Variants in BCL7A observed in about 807,000 individuals in gnomAD.
BCL7A encodes the protein B-cell CLL/lymphoma 7 protein family member A.
A neutral mutation model predicts 28.4 loss-of-function variants in BCL7A; 11 were observed. The ratio of observed to expected loss-of-function variants is 0.39; its 90% CI spans 0.24 to 0.64. The LOEUF (loss-of-function observed/expected upper bound fraction) is 0.64. BCL7A is among the 30% of genes least tolerant of loss of function. BCL7A has a pLI of 0.50. For synonymous variants in BCL7A, 123 were observed against 103.3 expected (o/e 1.19, Z -1.15); for missense variants, 222 against 274.8 (o/e 0.81, Z 1.36).
intron 5 of BCL7A, among the ~76,000 whole-genome samples, chr12:122,058,269 G>A (rs928993307): frequency 1.3e-5 from 2 of 152,098 alleles, no homozygotes; most frequent in African/African-American, 4.8e-5. Context: ...CTCTGGGAAG[G>A]TGAGGCGGGC....
chr12:122,054,505 C>G (rs1405767919), intron 4 of BCL7A, among the ~76,000 whole-genome samples: 2 of 152,208 alleles, frequency 1.3e-5, no homozygotes, highest in African/African-American at 4.8e-5. Flanking sequence ...CCAGGGGGTG[C>G]TGGGTGCACG....
intron 5 of BCL7A, 126 bp downstream of exon 5, chr12:122,055,052 C>T: frequency 5.8e-6 from 9 of 1,563,560 alleles, no homozygotes; most frequent in African/African-American, 2.7e-5. Flanking sequence ...TTGGAACTGT[C>T]ATTTGTCCAT....
chr12:122,026,287 A>G (rs1279091971), intron 1 of BCL7A, among the ~76,000 whole-genome samples: 1 of 150,634 alleles, frequency 6.6e-6, no homozygotes, highest in Non-Finnish European at 1.5e-5. Context: ...AAAAAAAAAG[A>G]AAAAAATTAG....
intron 2 of BCL7A, among the ~76,000 whole-genome samples, chr12:122,032,185 G>A (rs1181566924): frequency 1.3e-5 from 2 of 152,214 alleles, no homozygotes; most frequent in Admixed American, 6.5e-5. Flanking sequence ...TCTGGGCAGG[G>A]CTGTGGCTCC....
At chr12:122,031,949 C>A (rs936076792) in intron 2 of BCL7A, among the ~76,000 whole-genome samples, 1 of 152,158 alleles carries the variant, frequency 6.6e-6, no homozygotes, top group Non-Finnish European at 1.5e-5. Flanking sequence ...CTGGGCCATT[C>A]CCCCCTGCCT....
chr12:122,022,032 G>A lies in BCL7A; in HGVS notation c.-60G>A. 1.4e-6 allele frequency: 2 copies of A among 1,458,372 alleles called. No homozygotes were observed. The highest frequency in any genetic ancestry group is 1.8e-6 in the Non-Finnish European group (2 of 1,085,772). 90.3% of individuals were successfully genotyped at this position (1,458,372 alleles called of 1,614,324 possible). Reference sequence around the variant, plus strand: ...GCGGGCGGGCGCGAGTGTGGCCGCCGCGGAGCGCGAGCAGGACCCGGCGGG... The same window carrying A: ...GCGGGCGGGCGCGAGTGTGGCCGCCACGGAGCGCGAGCAGGACCCGGCGGG... On this transcript the variant is annotated 5_prime_UTR_variant, in exon 1 of 6. Transcript: ENST00000261822.
At chr12:122,032,948 G>T (rs1420664913) in intron 2 of BCL7A, among the ~76,000 whole-genome samples, 2 of 152,178 alleles carry the variant, frequency 1.3e-5, no homozygotes, top group Non-Finnish European at 2.9e-5. Flanking sequence ...GTCTCTGCAG[G>T]TTGAGGCTGG....
At position 122,061,110 on chromosome 12, in the gene BCL7A, TAG is replaced by T; in HGVS notation, c.*1950_*1951del. On this transcript the variant is annotated 3_prime_UTR_variant, in exon 6 of 6. Coordinates refer to ENST00000261822, the MANE Select transcript of BCL7A (RefSeq NM_001024808.3). ...GCGTTACCTCCAGATTCCGTAGAGTTAGAGTCACATTTTTCTTTGCAGCGAAA... is the reference window on the plus strand; with the variant it reads ...GCGTTACCTCCAGATTCCGTAGAGTTAGTCACATTTTTCTTTGCAGCGAAA... 4.4e-6 allele frequency: 1 copy of T among 226,128 alleles called. No individual in the cohort carries two copies. The highest frequency in any genetic ancestry group is 8.8e-6 in the Non-Finnish European group (1 of 113,406). 14.0% of individuals were successfully genotyped at this position (226,128 alleles called of 1,614,324 possible). A position where few individuals can be genotyped will look rare whatever the true frequency, so the allele number is the denominator to read the frequency against.
chr12:122,059,109 A>G lies in BCL7A; in HGVS notation c.579A>G (p.Pro193=). ...TCCCCAAGGATTTGGAAGGAGTGCC[A>G]CCCTCTAAAAAGATGAAACTGGAGG... ...SAISQDLEGV[P]PSKKMKLEAS... Residue 193 remains proline (P), a synonymous_variant, in exon 6 of 6, where the codon CCA becomes CCG. Transcript: ENST00000261822. The surrounding 1 kb of genome is among the most constrained non-coding windows in gnomAD (Gnocchi z 4.0). The G allele has an allele frequency of 6.2e-7, 1 of 1,611,400 alleles. No individual in the cohort carries two copies. The highest frequency in any genetic ancestry group is 8.5e-7 in the Non-Finnish European group (1 of 1,177,554).
chr12:122,038,431 CAAAAAAAAAAA>C (rs56376395), intron 3 of BCL7A, among the ~76,000 whole-genome samples: 39 of 33,556 alleles, frequency 1.2e-3, no homozygotes, highest in Middle Eastern at 0.029. Context: ...GACTCTGCCT[CAAAAAAAAAAA>C]AAAAAAAAAA....
chr12:122,057,223 G>C (rs1951884924), intron 5 of BCL7A, among the ~76,000 whole-genome samples: 1 of 152,314 alleles, frequency 6.6e-6, no homozygotes, highest in South Asian at 2.1e-4. Context: ...TCCAGGCAGG[G>C]GCAGACCAAG....
intron 1 of BCL7A, among the ~76,000 whole-genome samples, chr12:122,027,156 A>C (rs2135839375): frequency 6.6e-6 from 1 of 152,306 alleles, no homozygotes; most frequent in South Asian, 2.1e-4. Flanking sequence ...GAGTGAGGGC[A>C]TCTGAGGGGG....
intron 4 of BCL7A, among the ~76,000 whole-genome samples, chr12:122,050,574 G>T (rs1229379033): frequency 6.6e-6 from 1 of 152,198 alleles, no homozygotes; most frequent in South Asian, 2.1e-4. Context: ...GGGGTGAGAC[G>T]GGGGCTGTGG....
chr12:122,043,543 CAGG>C (rs1884003521), intron 3 of BCL7A, among the ~76,000 whole-genome samples: 1 of 151,958 alleles, frequency 6.6e-6, no homozygotes, highest in Admixed American at 6.6e-5. Context: ...GAGGCCGAGG[CAGG>C]AGGATTACCT....
At chr12:122,027,120 C>T (rs1883646576) in intron 1 of BCL7A, among the ~76,000 whole-genome samples, 1 of 152,176 alleles carries the variant, frequency 6.6e-6, no homozygotes, top group Non-Finnish European at 1.5e-5. Context: ...GTGGGGATTT[C>T]TGCACCTGGT....
At chr12:122,052,945 C>T (rs561354736) in intron 4 of BCL7A, among the ~76,000 whole-genome samples, 102 of 150,962 alleles carry the variant, frequency 6.8e-4, no homozygotes, top group Non-Finnish European at 1.3e-3. Flanking sequence ...CCACCTTAGC[C>T]TCCCAAAGTG....
At chr12:122,030,619 C>T (rs1230548815) in intron 1 of BCL7A, 81 bp from the exon 2 acceptor site, 10 of 1,312,794 alleles carry the variant, frequency 7.6e-6, no homozygotes, top group Non-Finnish European at 1.1e-5. Flanking sequence ...CTGGAGCTTG[C>T]TCTCAGCCCC....
In BCL7A at chr12:122,043,924, C is replaced by A. The variant is rs1254097339; in HGVS notation, c.310C>A (p.Pro104Thr). 1 of 1,613,828 alleles carries A rather than the reference C, an allele frequency of 6.2e-7. No individual in the cohort carries two copies. The highest frequency in any genetic ancestry group is 8.5e-7 in the Non-Finnish European group (1 of 1,180,006). The change falls in exon 4 of 6, where the codon CCC (proline) becomes ACC (threonine). Residue 104 changes from proline (P) to threonine (T), a missense_variant. Transcript: ENST00000261822. ...SNQSSIADASPIKQENSSNSS... is the reference protein window; with the variant it reads ...SNQSSIADASTIKQENSSNSS... ...CCAGAGCTCCATCGCAGATGCCTCC[C>A]CCATCAAACAGGAGAACAGCAGCAA...
chr12:122,030,190 C>T (rs1478007378), intron 1 of BCL7A, among the ~76,000 whole-genome samples: 2 of 152,224 alleles, frequency 1.3e-5, no homozygotes, highest in South Asian at 4.1e-4. Flanking sequence ...GGCATTCTTC[C>T]GGCAGAGTGT....
Sources: gnomAD v4.1 joint callset for allele counts (sites outside exome capture counted in the v4.1 genomes callset) on GRCh38, gnomAD v4.1.1 for gene constraint, Gnocchi (gnomAD v3.1) non-coding constraint, MANE v1.5 for transcripts, NCBI Gene and HGNC (gene_info 2026-07-23, HGNC 2026-07-21) for gene names.